RNF123: variants seen among roughly 807,000 people sequenced by gnomAD.
RNF123 encodes the protein ring finger protein 123.
Under a neutral mutation model 168.5 loss-of-function variants are expected in RNF123, and 86 were observed. The ratio of observed to expected loss-of-function variants is 0.51; its 90% CI spans 0.43 to 0.61. RNF123 has a LOEUF of 0.61. Among genes scored for constraint, RNF123 ranks in the 20% least tolerant of loss-of-function variants. The pLI is 0.00. For synonymous variants in RNF123, 666 were observed against 689.1 expected, an observed-to-expected ratio of 0.97 and a Z score of 0.52; for missense variants, 1,419 against 1,729.7, an observed-to-expected ratio of 0.82 and a Z score of 3.19.
Position 49,699,350 on chromosome 3 carries a change from G to C in RNF123, c.765-118G>C. On this transcript the variant is annotated intron_variant, in intron 10 of 38. Transcript: ENST00000327697. The surrounding 1 kb of genome is among the most constrained non-coding windows in gnomAD (Gnocchi z 4.8). ...CTCCCTAGGGAGAATAAGTGGGCAA[G>C]TTGTGATGCAAACCAGCCCTGCCCT... is the stretch of plus-strand genomic sequence containing the variant. 4.9e-6 allele frequency: 5 copies of C among 1,019,554 alleles called. No individual in the cohort carries two copies. The highest frequency in any genetic ancestry group is 7.3e-6 in the Non-Finnish European group (5 of 688,596). 63.2% of individuals were successfully genotyped at this position (1,019,554 alleles called of 1,614,324 possible).
chr3:49,709,944 A>G (rs963871511), intron 26 of RNF123, among the ~76,000 whole-genome samples: 3 of 152,104 alleles, frequency 2.0e-5, no homozygotes, highest in Admixed American at 6.6e-5. Flanking sequence ...CATTCTCACC[A>G]GTAGTGCATG....
At chr3:49,717,787 T>C (rs2080276764) in intron 35 of RNF123, 1 of 764,172 alleles carries the variant, frequency 1.3e-6, no homozygotes, top group Non-Finnish European at 2.1e-6. Flanking sequence ...AACCCCTGTC[T>C]CTACCAGTGA....
chr3:49,720,735 G>A (rs2080386166), intron 36 of RNF123, 65 bp from the exon 37 acceptor site: 20 of 1,610,398 alleles, frequency 1.2e-5, no homozygotes, highest in Non-Finnish European at 1.7e-5. Context: ...GTCCTAGGCT[G>A]GGAATATTCA....
rs775368228 is a variant in RNF123, at chr3:49,717,946, G to A, written c.3500+1469G>A. 2.5e-6 allele frequency: 4 copies of A among 1,608,900 alleles called. No homozygotes were observed. The Admixed American group carries it at 6.7e-5, about 27-fold the overall frequency. ...GGGGGCCTGGGTGGGGGAGCCCTGG[G>A]CAGTCTAGGTTGTCATGGGACCCTC... On this transcript the variant is annotated intron_variant, in intron 35 of 38. Transcript: ENST00000327697.
chr3:49,721,481 T>G lies in RNF123; in HGVS notation c.*176T>G. 1 of 946,512 alleles carries G rather than the reference T, an allele frequency of 1.1e-6. No individual in the cohort carries two copies. The highest frequency in any genetic ancestry group is 1.7e-6 in the Non-Finnish European group (1 of 582,810). The allele number at this position is 946,512 out of a possible 1,614,324, so 58.6% of individuals were successfully genotyped here. ...GCCATGGCCCTAATTGTGCCTGAGCTTGACTTTCAGTCAGGGCCACAGTGA... is the reference window on the plus strand; with the variant it reads ...GCCATGGCCCTAATTGTGCCTGAGCGTGACTTTCAGTCAGGGCCACAGTGA... On this transcript the variant is annotated 3_prime_UTR_variant, in exon 39 of 39. Transcript: ENST00000327697.
chr3:49,700,415 C>A (rs544010489), intron 13 of RNF123, 57 bp from the exon 14 acceptor site: 1 of 1,611,890 alleles, frequency 6.2e-7, no homozygotes. Flanking sequence ...CGGGAAGATA[C>A]GGGGAGAATC....
rs939720634 is a variant in RNF123, at chr3:49,704,439, C to T, written c.1853-211C>T. 3.3e-5 allele frequency among the ~76,000 whole-genome samples: 5 copies of T among 152,102 alleles called. No individual in the cohort carries two copies. The South Asian group carries it at 1.0e-3, about 32-fold the overall frequency. On this transcript the variant is annotated intron_variant, in intron 21 of 38. Transcript: ENST00000327697. ...AAGAAGGGTGTGATGGGGAAGGCCT[C>T]CTGTTACTGAGTGGCAGCTAGACGG...
At chr3:49,706,764 T>C in intron 25 of RNF123, 27 bp from the exon 26 acceptor site, 10 of 1,599,292 alleles carry the variant, frequency 6.3e-6, no homozygotes, top group Non-Finnish European at 8.6e-6. Flanking sequence ...CATGTCTTGA[T>C]TGTCCTCCTT....
chr3:49,711,123 G>A (rs1257091741), intron 26 of RNF123, among the ~76,000 whole-genome samples: 2 of 152,150 alleles, frequency 1.3e-5, no homozygotes, highest in African/African-American at 2.4e-5. Context: ...CTACTCTGAG[G>A]TCAGGAGTTC....
rs1243840827 is a variant in RNF123, at chr3:49,698,103, G to T, written c.449G>T (p.Gly150Val). Residue 150 changes from glycine to valine, a missense_variant, in exon 7 of 39, where the codon GGC (glycine) becomes GTC (valine). Coordinates refer to ENST00000327697, the MANE Select transcript of RNF123 (RefSeq NM_022064.5). ...LISSQGLMQI[G>V]WCTISCRFNQ... is the part of the protein sequence containing the mutation. The stretch of plus-strand genomic sequence containing the variant: ...TCCTCCCAGGGGCTCATGCAGATCG[G>T]CTGGTGCACCATCAGCTGCCGCTTC... 6.2e-7 allele frequency: 1 copy of T among 1,613,838 alleles called. No homozygotes were observed. The highest frequency in any genetic ancestry group is 1.3e-5 in the African/African-American group (1 of 74,888).
chr3:49,704,580 G>A lies in RNF123; in HGVS notation c.1853-70G>A, dbSNP rs573247832. On this transcript the variant is annotated intron_variant, in intron 21 of 38. Transcript: ENST00000327697. Reference sequence around the variant, plus strand: ...GCCCAGTGTGCTGGGCTCTCTCACCGTCCTGGGCACTTCCACTGTGGCCCC... The same window carrying A: ...GCCCAGTGTGCTGGGCTCTCTCACCATCCTGGGCACTTCCACTGTGGCCCC... The A allele has an allele frequency of 5.0e-5, 67 of 1,344,750 alleles. No individual in the cohort carries two copies. The East Asian group carries it at 6.6e-4, about 13-fold the overall frequency. 83.3% of individuals were successfully genotyped at this position (1,344,750 alleles called of 1,614,324 possible).
chr3:49,703,298 T>C, intron 20 of RNF123, 129 bp from the exon 21 acceptor site: 1 of 689,964 alleles, frequency 1.4e-6, no homozygotes, highest in Non-Finnish European at 2.5e-6. Context: ...TTTCTCTGTC[T>C]GCCTGGATGG....
intron 8 of RNF123, 44 bp downstream of exon 8, chr3:49,698,570 C>T (rs1431667654): frequency 6.2e-7 from 1 of 1,601,866 alleles, no homozygotes. Flanking sequence ...ATGACTGTTA[C>T]TACAGCTTAT....
chr3:49,708,537 T>C (rs2080078935), intron 26 of RNF123, among the ~76,000 whole-genome samples: 1 of 152,238 alleles, frequency 6.6e-6, no homozygotes, highest in South Asian at 2.1e-4. Flanking sequence ...TTCCATGTCA[T>C]GAGGGGACCA....
At chr3:49,705,866 G>T (rs2054506114) in intron 24 of RNF123, 116 bp from the exon 25 acceptor site, 2 of 1,443,798 alleles carry the variant, frequency 1.4e-6, no homozygotes, top group African/African-American at 1.4e-5. Context: ...GTGGGAATGG[G>T]ACCGCCCTGG....
chr3:49,720,430 C>T, intron 35 of RNF123, 81 bp from the exon 36 acceptor site: 1 of 1,394,554 alleles, frequency 7.2e-7, no homozygotes, highest in Admixed American at 2.4e-5. Flanking sequence ...CGAGCCATGG[C>T]ACTCCTCATT....
At position 49,701,558 on chromosome 3, in the gene RNF123, C is replaced by G; in HGVS notation, c.1345C>G (p.Leu449Val). 1 of 1,613,858 alleles carries G rather than the reference C, an allele frequency of 6.2e-7. No individual in the cohort carries two copies. Among genetic ancestry groups the G allele is most frequent in the African/African-American group, 1.3e-5 (1 of 75,048 alleles). ...CCCCCTGCGTGTGGAGGAGGCCGGCCTGCAGGAGCTCATTCCCACCACCTG... is the reference window on the plus strand; with the variant it reads ...CCCCCTGCGTGTGGAGGAGGCCGGCGTGCAGGAGCTCATTCCCACCACCTG... ...KSPLRVEEAG[L>V]QELIPTTWWP... Residue 449 changes from leucine (L) to valine (V), a missense_variant, in exon 16 of 39, where the codon CTG (leucine) becomes GTG (valine). Physicochemically the swap from Leu to Val is conservative, Grantham distance 32. Coordinates refer to ENST00000327697, the MANE Select transcript of RNF123 (RefSeq NM_022064.5).
In RNF123 at chr3:49,721,219, G is replaced by C; in HGVS notation, c.3859G>C (p.Asp1287His). The C allele has an allele frequency of 6.2e-7, 1 of 1,614,198 alleles. No homozygotes were observed. The highest frequency in any genetic ancestry group is 8.5e-7 in the Non-Finnish European group (1 of 1,180,042). ...CINQHLMNNK[D>H]CFFCKTTIVS... is the part of the protein sequence containing the mutation. The stretch of plus-strand genomic sequence containing the variant: ...CAACCAGCACCTGATGAACAACAAG[G>C]ACTGCTTCTTCTGCAAAACCACCAT... The change falls in exon 39 of 39, where the codon GAC becomes CAC. Residue 1287 changes from aspartate (D) to histidine (H), a missense_variant. By Grantham distance (81) the Asp-to-His change is moderately conservative. Coordinates refer to ENST00000327697, the MANE Select transcript of RNF123 (RefSeq NM_022064.5).
At chr3:49,711,590 TCTC>T (rs747502604) in intron 26 of RNF123, among the ~76,000 whole-genome samples, 8 of 152,178 alleles carry the variant, frequency 5.3e-5, no homozygotes, top group South Asian at 2.1e-4. Flanking sequence ...GCTTACATCT[TCTC>T]CTCAGTTCCT....
Sources: allele counts gnomAD v4.1 joint callset (sites outside exome capture counted in the v4.1 genomes callset), GRCh38; gene constraint gnomAD v4.1.1; non-coding constraint Gnocchi (gnomAD v3.1); transcripts MANE v1.5; gene names NCBI Gene and HGNC (gene_info 2026-07-23, HGNC 2026-07-21).